Variants in IFT74 observed in about 807,000 individuals in gnomAD.
The protein encoded by IFT74 is intraflagellar transport 74, also known as intraflagellar transport protein 74 homolog.
IFT74 carries 92 observed loss-of-function variants against 96.7 expected under a neutral mutation model. The observed-to-expected ratio is 0.95, with a 90% CI of 0.80 to 1.13. The LOEUF is 1.13. Ranked by LOEUF, IFT74 falls within the 50% of genes most tolerant of loss-of-function variation. The pLI is 0.00. For missense variants in IFT74, 811 were observed against 698.2 expected (o/e 1.16, Z -1.82); for synonymous variants, 223 against 213.2 (o/e 1.05, Z -0.40).
At chr9:26,966,314 C>G (rs892151255) in intron 2 of IFT74, among the ~76,000 whole-genome samples, 14 of 151,930 alleles carry the variant, frequency 9.2e-5, no homozygotes, top group Non-Finnish European at 1.8e-4. Context: ...GTTCCCTTTT[C>G]TTTATATATT....
intron 1 of IFT74, among the ~76,000 whole-genome samples, chr9:26,957,168 C>A (rs1346543323): frequency 1.3e-5 from 2 of 152,174 alleles, no homozygotes; most frequent in Non-Finnish European, 2.9e-5. Context: ...GATTGAATAA[C>A]CCCGAAGTTA....
chr9:27,048,789 C>G (rs1819802170), intron 16 of IFT74, among the ~76,000 whole-genome samples: 2 of 152,176 alleles, frequency 1.3e-5, no homozygotes, highest in Admixed American at 1.3e-4. Context: ...GACAGAGGCC[C>G]TAACTTTCCT....
intron 4 of IFT74, among the ~76,000 whole-genome samples, chr9:26,981,768 A>ATT (rs57916629): frequency 4.5e-4 from 58 of 128,838 alleles, no homozygotes; most frequent in African/African-American, 1.2e-3. Context: ...GATAAGAATA[A>ATT]TTTTTTTTTT....
Position 27,063,860 on chromosome 9 carries a change from T to A in IFT74, c.*1124T>A, listed in dbSNP as rs1216222060. On this transcript the variant is annotated 3_prime_UTR_variant, in exon 20 of 20. Coordinates refer to ENST00000380062, the MANE Select transcript of IFT74 (RefSeq NM_025103.4). The stretch of plus-strand genomic sequence containing the variant: ...GAGCATTGTTGAGTTTGCTGAACTC[T>A]GGATTACTAATATGGCTGAAGATCC... Among the ~76,000 whole-genome samples the A allele has an allele frequency of 6.6e-6, 1 of 152,120 alleles. No individual in the cohort carries two copies. Among genetic ancestry groups the A allele is most frequent in the Non-Finnish European group, 1.5e-5 (1 of 67,948 alleles).
chr9:27,018,251 C>T (rs765469854), intron 11 of IFT74, among the ~76,000 whole-genome samples: 3 of 152,178 alleles, frequency 2.0e-5, no homozygotes, highest in Non-Finnish European at 4.4e-5. Flanking sequence ...CATATATCCT[C>T]TCAAAGGTAT....
chr9:27,055,546 C>A, intron 16 of IFT74, 63 bp from the exon 17 acceptor site: 2 of 1,096,774 alleles, frequency 1.8e-6, no homozygotes, highest in Non-Finnish European at 2.6e-6. Flanking sequence ...AGTTGCATTA[C>A]ATTTCCTTAT....
At position 27,062,990 on chromosome 9, in the gene IFT74, A is replaced by G; in HGVS notation, c.*254A>G. ...TTGAACCAAGAGATAAAGAAACTAA[A>G]AGTGACCGTTGAAATTTATTTAGCT... On this transcript the variant is annotated 3_prime_UTR_variant, in exon 20 of 20. Coordinates refer to ENST00000380062, the MANE Select transcript of IFT74 (RefSeq NM_025103.4). 1 of 367,318 alleles carries G rather than the reference A, an allele frequency of 2.7e-6. No homozygotes were observed. The highest frequency in any genetic ancestry group is 4.8e-6 in the Non-Finnish European group (1 of 206,740). 22.8% of individuals were successfully genotyped at this position (367,318 alleles called of 1,614,324 possible).
chr9:27,021,407 A>G (rs1002125202), intron 12 of IFT74, among the ~76,000 whole-genome samples: 1 of 152,198 alleles, frequency 6.6e-6, no homozygotes, highest in Non-Finnish European at 1.5e-5. Flanking sequence ...AGGAATCTCC[A>G]TACTGTTTTC....
intron 13 of IFT74, among the ~76,000 whole-genome samples, chr9:27,040,422 G>A (rs1179554755): frequency 6.6e-6 from 1 of 151,760 alleles, no homozygotes; most frequent in East Asian, 1.9e-4. Flanking sequence ...GGTGGCGTGT[G>A]CCTGTAGCCT....
At chr9:27,042,913 C>A (rs146671775) in intron 13 of IFT74, among the ~76,000 whole-genome samples, 2 of 152,156 alleles carry the variant, frequency 1.3e-5, no homozygotes, top group South Asian at 4.1e-4. Flanking sequence ...CTTTCTGTTT[C>A]CCACTCAAAA....
upstream of IFT74, among the ~76,000 whole-genome samples, chr9:26,954,353 T>C (rs1788674948): frequency 6.6e-6 from 1 of 152,210 alleles, no homozygotes; most frequent in South Asian, 2.1e-4. Flanking sequence ...AGGCAACTGC[T>C]CAAACTTTAA....
chr9:27,028,136 ATTT>A (rs1045302010), intron 12 of IFT74, among the ~76,000 whole-genome samples: 4 of 152,154 alleles, frequency 2.6e-5, no homozygotes, highest in Non-Finnish European at 5.9e-5. Flanking sequence ...TGGACTCACA[ATTT>A]TAGTCCATTG....
At chr9:26,978,341 T>C in intron 3 of IFT74, 78 bp downstream of exon 3, 1 of 1,453,308 alleles carries the variant, frequency 6.9e-7, no homozygotes, top group Non-Finnish European at 9.3e-7. Context: ...TTTAAAAAAG[T>C]AAAAGTTGAG....
intron 1 of IFT74, among the ~76,000 whole-genome samples, chr9:26,959,612 A>C (rs569097982): frequency 1.3e-5 from 2 of 152,308 alleles, no homozygotes; most frequent in South Asian, 4.1e-4. Context: ...TCAAGGGTAA[A>C]TCAGAGTAAG....
chr9:27,012,434 T>G (rs1587352262), intron 10 of IFT74, among the ~76,000 whole-genome samples: 1 of 151,916 alleles, frequency 6.6e-6, no homozygotes. Flanking sequence ...TTATGGCTGA[T>G]GTACAGCTCC....
In IFT74 at chr9:27,066,097, C is replaced by T. The variant is rs965596520; in HGVS notation, c.*3361C>T. 5.9e-5 allele frequency among the ~76,000 whole-genome samples: 9 copies of T among 152,062 alleles called. No homozygotes were observed. Among genetic ancestry groups the T allele is most frequent in the Admixed American group, 1.3e-4 (2 of 15,270 alleles). On this transcript the variant is annotated 3_prime_UTR_variant, in exon 20 of 20. Transcript: ENST00000380062. ...TCTGTTTTATTTATGTATTTATGCACCTTTAATTAAATTAAAATTATATTG... is the reference window on the plus strand; with the variant it reads ...TCTGTTTTATTTATGTATTTATGCATCTTTAATTAAATTAAAATTATATTG...
At chr9:27,017,097 A>G (rs1405227483) in intron 11 of IFT74, 47 bp downstream of exon 11, 2 of 1,530,876 alleles carry the variant, frequency 1.3e-6, no homozygotes, top group Non-Finnish European at 1.8e-6. Context: ...GTTTTGGTAC[A>G]TGTATTGATT....
intron 13 of IFT74, chr9:27,036,381 G>T: frequency 6.4e-7 from 1 of 1,564,416 alleles, no homozygotes. Context: ...AAGCTTATAT[G>T]TACTCTTTTT....
In IFT74 at chr9:27,056,405, CA is replaced by C. The variant is rs890375954; in HGVS notation, c.1570del (p.Ile524Ter). 1.9e-6 allele frequency: 3 copies of C among 1,601,668 alleles called. No homozygotes were observed. Among genetic ancestry groups the C allele is most frequent in the Non-Finnish European group, 2.6e-6 (3 of 1,173,498 alleles). On this transcript the variant is annotated frameshift_variant, in exon 18 of 20. Coordinates refer to ENST00000380062, the MANE Select transcript of IFT74 (RefSeq NM_025103.4). LOFTEE classifies it high-confidence loss of function. ...AFKKIMEKQN[I>X]EYEALKTQLQ... is the part of the protein sequence containing the mutation. ...TTAAGAAAATAATGGAGAAGCAAAA[CA>C]TAGAGTATGAGGCACTAAAAACACA...
Sources: allele counts gnomAD v4.1 joint callset (sites outside exome capture counted in the v4.1 genomes callset), GRCh38; gene constraint gnomAD v4.1.1; transcripts MANE v1.5; gene names NCBI Gene and HGNC (gene_info 2026-07-23, HGNC 2026-07-21).